Variants in N4BP1 observed in about 807,000 individuals in gnomAD.
N4BP1 encodes NEDD4 binding protein 1.
N4BP1 carries 21 observed loss-of-function variants against 70.9 expected under a neutral mutation model. That is an observed-to-expected ratio of 0.30 (90% CI 0.21 to 0.43). The LOEUF is 0.43. Among genes scored for constraint, N4BP1 ranks in the 20% least tolerant of loss-of-function variants. N4BP1 has a pLI of 1.00. For synonymous variants in N4BP1, 387 were observed against 394.6 expected (o/e 0.98, Z 0.23); for missense variants, 936 against 1,069.4 (o/e 0.88, Z 1.74).
At chr16:48,551,350 C>T (rs771654575) in intron 4 of N4BP1, 36 bp downstream of exon 4, 1 of 1,566,900 alleles carries the variant, frequency 6.4e-7, no homozygotes, top group Middle Eastern at 1.7e-4. Flanking sequence ...CTCACCACCC[C>T]ACTCCAACCT....
At chr16:48,585,746 C>T (rs993623824) in intron 1 of N4BP1, among the ~76,000 whole-genome samples, 7 of 150,978 alleles carry the variant, frequency 4.6e-5, no homozygotes, top group South Asian at 2.1e-4. Context: ...CCCAAGCTGG[C>T]GTGCAGTGGC....
At chr16:48,552,449 C>T (rs1277902378) in intron 3 of N4BP1, among the ~76,000 whole-genome samples, 2 of 151,950 alleles carry the variant, frequency 1.3e-5, no homozygotes, top group Non-Finnish European at 2.9e-5. Context: ...CCTGTAATCC[C>T]AGCACTTTGG....
chr16:48,571,071 CG>C (rs1255722324), intron 1 of N4BP1, among the ~76,000 whole-genome samples: 2 of 152,172 alleles, frequency 1.3e-5, no homozygotes, highest in Admixed American at 1.3e-4. Flanking sequence ...GTATTAAAGG[CG>C]TGAGCCACTG....
intron 1 of N4BP1, among the ~76,000 whole-genome samples, chr16:48,571,265 A>G (rs796894893): frequency 9.8e-5 from 15 of 152,332 alleles, no homozygotes; most frequent in African/African-American, 3.6e-4. Flanking sequence ...GTGGGCCACC[A>G]GCAACAACCA....
Position 48,572,552 on chromosome 16 carries a change from T to C in N4BP1, c.199-10108A>G, listed in dbSNP as rs114587860. Among the ~76,000 whole-genome samples, 1,105 of 152,248 alleles carry C rather than the reference T, an allele frequency of 7.3e-3. 13 individuals carry two copies. Among genetic ancestry groups the C allele is most frequent in the African/African-American group, 0.025 (1,054 of 41,550 alleles). ...ATAGAATAAAGACCCATAAAATTAC[T>C]CCTATGGATTCTTTTCTTAGCAAAC... On this transcript the variant is annotated intron_variant, in intron 1 of 6. Transcript: ENST00000262384.
chr16:48,589,309 C>T (rs1424683030), intron 1 of N4BP1, among the ~76,000 whole-genome samples: 1 of 152,136 alleles, frequency 6.6e-6, no homozygotes, highest in Non-Finnish European at 1.5e-5. Context: ...AGTAGGATGA[C>T]AGGGTCTCAA....
Position 48,561,891 on chromosome 16 carries a change from A to G in N4BP1, c.752T>C (p.Met251Thr). Residue 251 changes from methionine to threonine, a missense_variant, in exon 2 of 7, where the codon ATG becomes ACG. By Grantham distance (81) the Met-to-Thr change is moderately conservative (BLOSUM62 -1). Coordinates refer to ENST00000262384, the MANE Select transcript of N4BP1 (RefSeq NM_153029.4). ...GTPVSELTKQ[M>T]DTVLSSSPDV... ...TGGTGAGCTAGAAAGGACTGTGTCC[A>G]TTTGTTTTGTAAGCTCAGAAACAGG... The G allele has an allele frequency of 6.2e-7, 1 of 1,613,922 alleles. No homozygotes were observed.
chr16:48,602,020 C>G (rs1264034160), intron 1 of N4BP1, among the ~76,000 whole-genome samples: 2 of 152,172 alleles, frequency 1.3e-5, no homozygotes, highest in African/African-American at 2.4e-5. Flanking sequence ...GTCAGGAGTT[C>G]AAGACCAGCC....
intron 1 of N4BP1, 31 bp downstream of exon 1, chr16:48,609,744 G>T: frequency 7.6e-7 from 1 of 1,317,838 alleles, no homozygotes; most frequent in Non-Finnish European, 9.7e-7. Flanking sequence ...GATCGAGGCC[G>T]CGGGCGCGCG....
At chr16:48,575,567 T>C (rs1215991121) in intron 1 of N4BP1, among the ~76,000 whole-genome samples, 1 of 152,130 alleles carries the variant, frequency 6.6e-6, no homozygotes, top group Non-Finnish European at 1.5e-5. Context: ...AAGCAGGGGC[T>C]CAAGAGTATG....
intron 1 of N4BP1, among the ~76,000 whole-genome samples, chr16:48,598,545 CTAAAAGATTT>C (rs1214156052): frequency 2.0e-5 from 3 of 152,056 alleles, no homozygotes; most frequent in African/African-American, 4.8e-5. Context: ...ATTAATGAGA[CTAAAAGATTT>C]TAATACAACA....
chr16:48,592,739 A>G (rs1459562062), intron 1 of N4BP1, among the ~76,000 whole-genome samples: 1 of 152,248 alleles, frequency 6.6e-6, no homozygotes, highest in Non-Finnish European at 1.5e-5. Context: ...CATTTCATCT[A>G]AATTAGGTCA....
At chr16:48,604,402 T>A (rs1470714288) in intron 1 of N4BP1, among the ~76,000 whole-genome samples, 1 of 151,764 alleles carries the variant, frequency 6.6e-6, no homozygotes, top group Non-Finnish European at 1.5e-5. Flanking sequence ...AATACAAAAA[T>A]ACACCATGGG....
intron 4 of N4BP1, among the ~76,000 whole-genome samples, chr16:48,549,274 C>CT (rs1030291363): frequency 6.6e-6 from 1 of 152,134 alleles, no homozygotes; most frequent in Non-Finnish European, 1.5e-5. Flanking sequence ...AGTTCTTTGG[C>CT]TTTATTAAAT....
intron 6 of N4BP1, 141 bp from the exon 7 acceptor site, chr16:48,543,402 T>C (rs1597088376): frequency 4.6e-6 from 3 of 649,986 alleles, no homozygotes; most frequent in Non-Finnish European, 7.3e-6. Context: ...AAGACTGAGG[T>C]GGAGATGGTG....
rs1273373599 is a variant in N4BP1, at chr16:48,541,997, A to G, written c.*907T>C. ...CTGCAGTTGGGGACACAAGATGGCC[A>G]CAGTGACCGGGCTCTTCATTAAACT... On this transcript the variant is annotated 3_prime_UTR_variant, in exon 7 of 7. Coordinates refer to ENST00000262384, the MANE Select transcript of N4BP1 (RefSeq NM_153029.4). 1 of 152,714 alleles carries G rather than the reference A, an allele frequency of 6.5e-6. No homozygotes were observed. Among genetic ancestry groups the G allele is most frequent in the Non-Finnish European group, 1.5e-5 (1 of 68,060 alleles). The allele number at this position is 152,714 out of a possible 1,614,324, so 9.5% of individuals were successfully genotyped here. A position where few individuals can be genotyped will look rare whatever the true frequency, so the allele number is the denominator to read the frequency against.
intron 2 of N4BP1, among the ~76,000 whole-genome samples, chr16:48,557,181 G>C (rs935296630): frequency 6.6e-6 from 1 of 152,196 alleles, no homozygotes; most frequent in African/African-American, 2.4e-5. Flanking sequence ...GGTGGGCCTA[G>C]GCTGCTTTAG....
Position 48,548,050 on chromosome 16 carries a change from A to T in N4BP1, c.2182T>A (p.Phe728Ile). 4 of 1,612,506 alleles carry T rather than the reference A, an allele frequency of 2.5e-6. No individual in the cohort carries two copies. The highest frequency in any genetic ancestry group is 3.4e-6 in the Non-Finnish European group (4 of 1,178,524). Residue 728 changes from phenylalanine to isoleucine, a missense_variant, in exon 5 of 7, where the codon TTT becomes ATT. Coordinates refer to ENST00000262384, the MANE Select transcript of N4BP1 (RefSeq NM_153029.4). ...CTCCAAGAGACTGACTCATTCACAA[A>T]TTCTCTGAAATTATCATTTGTCACA... The part of the protein sequence containing the change: ...IIVTNDNFRE[F>I]VNESVSWREI...
Position 48,561,022 on chromosome 16 carries a change from C to T in N4BP1, c.1621G>A (p.Ala541Thr). ...EPLLPNNMKS[A>T]CEKRLGCCSS... ...CAACATCCTAAACGTTTTTCACAGG[C>T]AGATTTCATATTATTTGGAAGCAAG... The change falls in exon 2 of 7, where the codon GCC (alanine) becomes ACC (threonine). Residue 541 changes from alanine (A) to threonine (T), a missense_variant. Ala to Thr is a moderately conservative substitution (Grantham distance 58). Transcript: ENST00000262384. 6.2e-7 allele frequency: 1 copy of T among 1,613,980 alleles called. No homozygotes were observed. Among genetic ancestry groups the T allele is most frequent in the Non-Finnish European group, 8.5e-7 (1 of 1,179,882 alleles).
Sources: allele counts gnomAD v4.1 joint callset (sites outside exome capture counted in the v4.1 genomes callset), GRCh38; gene constraint gnomAD v4.1.1; transcripts MANE v1.5; gene names NCBI Gene and HGNC (gene_info 2026-07-23, HGNC 2026-07-21).